Variants in HNF1B observed in about 807,000 individuals in gnomAD.
HNF1B encodes hepatocyte nuclear factor 1-beta.
A neutral mutation model predicts 61.7 loss-of-function variants in HNF1B; 8 were observed. The observed-to-expected ratio is 0.13, with a 90% CI of 0.08 to 0.23. The LOEUF (loss-of-function observed/expected upper bound fraction) is 0.23. Among genes scored for constraint, HNF1B ranks in the 10% least tolerant of loss-of-function variants. The probability of loss-of-function intolerance (pLI) is 1.00; values close to 1 mark genes in which losing one functional copy is unlikely to be tolerated. For missense variants in HNF1B, 562 were observed against 714.5 expected, an observed-to-expected ratio of 0.79 and a Z score of 2.43; for synonymous variants, 314 against 287.7, an observed-to-expected ratio of 1.09 and a Z score of -0.93.
At chr17:37,712,381 G>C (rs2032963998) in intron 4 of HNF1B, among the ~76,000 whole-genome samples, 1 of 151,792 alleles carries the variant, frequency 6.6e-6, no homozygotes, top group Admixed American at 6.5e-5. Flanking sequence ...GTCCTCCTGT[G>C]CACCTATCTG....
At chr17:37,719,282 A>T (rs1452576842) in intron 4 of HNF1B, among the ~76,000 whole-genome samples, 1 of 152,116 alleles carries the variant, frequency 6.6e-6, no homozygotes, top group Non-Finnish European at 1.5e-5. Context: ...AGGAAGAAAG[A>T]GGAGTAAGAG....
chr17:37,744,806 C>A lies in HNF1B; in HGVS notation c.79G>T (p.Val27Phe). Residue 27 changes from valine (V) to phenylalanine (F), a missense_variant, in exon 1 of 9, where the codon GTT becomes TTT. Coordinates refer to ENST00000617811, the MANE Select transcript of HNF1B (RefSeq NM_000458.4). ...LSSGVTKEVL[V>F]QALEELLPSP... is the part of the protein sequence containing the mutation. Reference sequence around the variant, plus strand: ...GGCAGCAACTCCTCCAAGGCCTGAACCAGCACCTCCTTGGTGACCCCGGAG... The same window carrying A: ...GGCAGCAACTCCTCCAAGGCCTGAAACAGCACCTCCTTGGTGACCCCGGAG... The A allele has an allele frequency of 6.2e-7, 1 of 1,613,600 alleles. No individual in the cohort carries two copies. Among genetic ancestry groups the A allele is most frequent in the Non-Finnish European group, 8.5e-7 (1 of 1,180,038 alleles).
chr17:37,687,238 G>A lies in HNF1B; in HGVS notation c.*134C>T, dbSNP rs1474947244. The A allele has an allele frequency of 9.7e-6, 14 of 1,441,424 alleles. No individual in the cohort carries two copies. Among genetic ancestry groups the A allele is most frequent in the South Asian group, 1.2e-5 (1 of 85,984 alleles). 89.3% of individuals were successfully genotyped at this position (1,441,424 alleles called of 1,614,324 possible). ...GGATTGTCTGAGGTGCCAGCAGGAC[G>A]TCCGTCAGGTAAGCAGGGACCTCTC... On this transcript the variant is annotated 3_prime_UTR_variant, in exon 9 of 9. Coordinates refer to ENST00000617811, the MANE Select transcript of HNF1B (RefSeq NM_000458.4).
chr17:37,698,249 C>T (rs1469071024), intron 8 of HNF1B, among the ~76,000 whole-genome samples: 1 of 152,026 alleles, frequency 6.6e-6, no homozygotes, highest in African/African-American at 2.4e-5. Context: ...ACTGCACAGA[C>T]CCCAGCTACT....
intron 6 of HNF1B, 143 bp downstream of exon 6, chr17:37,704,774 G>T: frequency 2.2e-6 from 2 of 921,832 alleles, no homozygotes; most frequent in South Asian, 1.4e-5. Context: ...TAAGGAGACA[G>T]ATGAGAAACT....
intron 4 of HNF1B, chr17:37,731,256 G>A (rs576536469): frequency 3.3e-4 from 152 of 459,350 alleles, no homozygotes; most frequent in African/African-American, 2.7e-3. Flanking sequence ...GTTTGCCTGC[G>A]GTTTGGATCT....
intron 8 of HNF1B, among the ~76,000 whole-genome samples, chr17:37,690,052 G>A (rs530253834): frequency 5.7e-4 from 87 of 151,708 alleles, no homozygotes; most frequent in Non-Finnish European, 8.5e-4. Flanking sequence ...ACAACTTTAG[G>A]TGGAGATGAG....
intron 8 of HNF1B, among the ~76,000 whole-genome samples, chr17:37,689,146 C>CAAAAA (rs71368464): frequency 1.6e-5 from 1 of 62,392 alleles, no homozygotes; most frequent in African/African-American, 5.4e-5. Context: ...CTTGGTCTCA[C>CAAAAA]AAAAAAAAAA....
chr17:37,716,842 ATCTCTCTCTCTCTCTCTCTC>A (rs55634127), intron 4 of HNF1B, among the ~76,000 whole-genome samples: 48 of 131,286 alleles, frequency 3.7e-4, no homozygotes, highest in African/African-American at 1.1e-3. Context: ...CACTTTAACA[ATCTCTCTCTCTCTCTCTCTC>A]TCTCTCTCTC....
At chr17:37,724,311 T>G (rs2033421753) in intron 4 of HNF1B, among the ~76,000 whole-genome samples, 1 of 117,258 alleles carries the variant, frequency 8.5e-6, no homozygotes, top group Non-Finnish European at 2.2e-5. Context: ...TTCTCAAATT[T>G]AGCTACACAT....
At chr17:37,724,936 G>GTATA (rs879391778) in intron 4 of HNF1B, among the ~76,000 whole-genome samples, 2 of 71,900 alleles carry the variant, frequency 2.8e-5, no homozygotes, top group Non-Finnish European at 6.3e-5. Flanking sequence ...GTGTGTGTGT[G>GTATA]TATATATATA....
chr17:37,707,117 A>ATT lies in HNF1B; in HGVS notation c.1207-2070_1207-2069dup, dbSNP rs3049485. 2.3e-3 allele frequency among the ~76,000 whole-genome samples: 337 copies of ATT among 143,858 alleles called. 1 individual carries two copies. Among genetic ancestry groups the ATT allele is most frequent in the Non-Finnish European group, 2.7e-3 (181 of 66,150 alleles). 94.4% of individuals were successfully genotyped at this position (143,858 alleles called of 152,430 possible). A position where few individuals can be genotyped will look rare whatever the true frequency, so the allele number is the denominator to read the frequency against. Reference sequence around the variant, plus strand: ...TTCTAAAATGCAACTATTATTTTTAATTTTTTTTTTTTTTTTGAGACAGGG... The same window carrying ATT: ...TTCTAAAATGCAACTATTATTTTTAATTTTTTTTTTTTTTTTTTGAGACAGGG... On this transcript the variant is annotated intron_variant, in intron 5 of 8. Transcript: ENST00000617811.
At chr17:37,700,440 C>A (rs1414972942) in intron 7 of HNF1B, among the ~76,000 whole-genome samples, 1 of 152,144 alleles carries the variant, frequency 6.6e-6, no homozygotes, top group Non-Finnish European at 1.5e-5. Flanking sequence ...GGATGGCATG[C>A]CACTGGTATT....
rs185879469 is a variant in HNF1B, at chr17:37,727,713, G to A, written c.1045+3882C>T. 1.4e-3 allele frequency among the ~76,000 whole-genome samples: 216 copies of A among 152,302 alleles called. 2 individuals are homozygous for A. Among genetic ancestry groups the A allele is most frequent in the Non-Finnish European group, 3.1e-4 (21 of 68,018 alleles). The stretch of plus-strand genomic sequence containing the variant: ...GACATTCCAGGACTAGGGTCACACC[G>A]TGGTCATCGTGGGCAAGTGGGCCAC... On this transcript the variant is annotated intron_variant, in intron 4 of 8. Transcript: ENST00000617811.
At chr17:37,725,413 G>A (rs1470975725) in intron 4 of HNF1B, among the ~76,000 whole-genome samples, 1 of 152,206 alleles carries the variant, frequency 6.6e-6, no homozygotes, top group East Asian at 1.9e-4. Flanking sequence ...CCTATCAGAG[G>A]GAGGCTGACA....
intron 4 of HNF1B, among the ~76,000 whole-genome samples, chr17:37,712,165 G>A (rs1332021096): frequency 2.0e-5 from 3 of 152,216 alleles, no homozygotes; most frequent in Admixed American, 6.5e-5. Context: ...GTGGCTTGAC[G>A]CTTGCTCTAT....
At chr17:37,723,066 G>A (rs1325928196) in intron 4 of HNF1B, among the ~76,000 whole-genome samples, 1 of 152,000 alleles carries the variant, frequency 6.6e-6, no homozygotes, top group African/African-American at 2.4e-5. Context: ...ATGGCCGGGC[G>A]CGGTGGCTCA....
At chr17:37,722,297 A>G (rs930504404) in intron 4 of HNF1B, among the ~76,000 whole-genome samples, 22 of 152,286 alleles carry the variant, frequency 1.4e-4, no homozygotes, top group African/African-American at 4.6e-4. Context: ...TAATACTGTA[A>G]TGGCAGCTAA....
At position 37,744,707 on chromosome 17, in the gene HNF1B, G is replaced by C; in HGVS notation, c.178C>G (p.Pro60Ala). 6.2e-7 allele frequency: 1 copy of C among 1,613,458 alleles called. No individual in the cohort carries two copies. The highest frequency in any genetic ancestry group is 8.5e-7 in the Non-Finnish European group (1 of 1,180,042). Residue 60 changes from proline to alanine, a missense_variant, in exon 1 of 9, where the codon CCG becomes GCG. By Grantham distance (27) the Pro-to-Ala change is conservative. Around this residue, in one of 6 missense-constraint regions of HNF1B, gnomAD observed 148 missense variants for 147.3 expected, o/e 1.00. Coordinates refer to ENST00000617811, the MANE Select transcript of HNF1B (RefSeq NM_000458.4). ...CCGTTGGTGAGAGTATGGAAGACCG[G>C]CTTGGTGTCGGGCTCGGCCCCGCTG... ...PGSGAEPDTK[P>A]VFHTLTNGHA...
Sources: allele counts gnomAD v4.1 joint callset (sites outside exome capture counted in the v4.1 genomes callset), GRCh38; gene constraint gnomAD v4.1.1; regional missense constraint gnomAD v4.1.1; transcripts MANE v1.5; gene names NCBI Gene and HGNC (gene_info 2026-07-23, HGNC 2026-07-21).